The following USH2A variants were observed in gnomAD, a reference collection of about 807,000 sequenced individuals.
USH2A encodes usherin.
Under a neutral mutation model 538.9 loss-of-function variants are expected in USH2A, and 443 were observed. That is an observed-to-expected ratio of 0.82 (90% CI 0.76 to 0.89). The LOEUF is 0.89. USH2A is among the 40% of genes least tolerant of loss of function. The pLI is 0.00. For missense variants in USH2A, 6,633 were observed against 6,324.8 expected (o/e 1.05, Z -1.65); for synonymous variants, 2,413 against 2,273.5 (o/e 1.06, Z -1.75).
chr1:215,783,660 C>G (rs1223826896), intron 52 of USH2A, among the ~76,000 whole-genome samples: 1 of 152,180 alleles, frequency 6.6e-6, no homozygotes, highest in African/African-American at 2.4e-5. Flanking sequence ...TTCGGAAATA[C>G]CAATGCTACA....
intron 11 of USH2A, among the ~76,000 whole-genome samples, chr1:216,264,260 T>C (rs1448514702): frequency 1.3e-5 from 2 of 152,106 alleles, no homozygotes; most frequent in Non-Finnish European, 2.9e-5. Context: ...AAAAATTCTT[T>C]AAATTCCCAT....
chr1:216,204,326 C>T (rs766369219), intron 16 of USH2A: 3 of 152,122 alleles, frequency 2.0e-5, no homozygotes, highest in Non-Finnish European at 2.9e-5. Context: ...ATTCTCGAAG[C>T]GCTAGCTTGA....
chr1:215,741,561 C>T (rs987573552), intron 59 of USH2A, 24 bp from the exon 60 acceptor site: 4 of 1,607,326 alleles, frequency 2.5e-6, no homozygotes, highest in Non-Finnish European at 3.4e-6. Context: ...AAATTGAGGT[C>T]TTTATTATTT....
intron 26 of USH2A, among the ~76,000 whole-genome samples, chr1:216,080,490 G>C (rs1396761818): frequency 6.6e-6 from 1 of 152,008 alleles, no homozygotes; most frequent in Non-Finnish European, 1.5e-5. Context: ...GGTGTGGTAG[G>C]GGCAGGAACC....
chr1:216,327,872 A>C (rs1488927437), intron 4 of USH2A, among the ~76,000 whole-genome samples: 3 of 152,162 alleles, frequency 2.0e-5, no homozygotes, highest in African/African-American at 4.8e-5. Context: ...GACTTAAGTC[A>C]AAGTGAATAC....
At chr1:215,900,956 T>C in intron 38 of USH2A, 51 bp from the exon 39 acceptor site, 4 of 1,610,626 alleles carry the variant, frequency 2.5e-6, no homozygotes, top group Non-Finnish European at 1.7e-6. Flanking sequence ...GGAGAACATA[T>C]GCTGGATGGA....
Position 216,214,183 on chromosome 1 carries a change from T to G in USH2A, c.3157+3204A>C, listed in dbSNP as rs116117861. On this transcript the variant is annotated intron_variant, in intron 15 of 71. Transcript: ENST00000307340. The stretch of plus-strand genomic sequence containing the variant: ...AATATATTTGGTATACAAACCAGCC[T>G]TTTTATTCTCAGGATATAAAGAGAT... 2.5e-3 allele frequency among the ~76,000 whole-genome samples: 377 copies of G among 152,162 alleles called. 2 individuals are homozygous for G. The highest frequency in any genetic ancestry group is 8.6e-3 in the African/African-American group (359 of 41,554).
chr1:216,097,053 A>G, intron 22 of USH2A, 30 bp downstream of exon 22: 1 of 1,597,170 alleles, frequency 6.3e-7, no homozygotes, highest in Non-Finnish European at 8.5e-7. Context: ...AAATTCTTAA[A>G]AATATTAAAG....
intron 4 of USH2A, among the ~76,000 whole-genome samples, chr1:216,341,265 A>T (rs953462090): frequency 6.6e-6 from 1 of 152,160 alleles, no homozygotes; most frequent in Non-Finnish European, 1.5e-5. Context: ...AGAGAGTAAA[A>T]TACCTAGGAA....
At chr1:216,015,138 A>G (rs1203816603) in intron 32 of USH2A, among the ~76,000 whole-genome samples, 1 of 152,196 alleles carries the variant, frequency 6.6e-6, no homozygotes, top group Non-Finnish European at 1.5e-5. Flanking sequence ...TTAGATGTTT[A>G]AAAATTTTAG....
chr1:215,763,790 G>A (rs917809519), intron 56 of USH2A, among the ~76,000 whole-genome samples: 2 of 152,066 alleles, frequency 1.3e-5, no homozygotes, highest in African/African-American at 2.4e-5. Flanking sequence ...AGGATCCAGA[G>A]AACTTCTCTT....
intron 9 of USH2A, among the ~76,000 whole-genome samples, chr1:216,312,823 GTTGT>G (rs1443234758): frequency 6.6e-6 from 1 of 152,042 alleles, no homozygotes; most frequent in South Asian, 2.1e-4. Flanking sequence ...AAACTGTGAG[GTTGT>G]TTGTTTGTTT....
intron 61 of USH2A, among the ~76,000 whole-genome samples, chr1:215,708,716 C>CCTCAGG (rs1659253487): frequency 6.6e-6 from 1 of 152,104 alleles, no homozygotes; most frequent in South Asian, 2.1e-4. Context: ...GTGCTCCACT[C>CCTCAGG]CTCAGGTGGA....
chr1:215,754,026 C>T (rs1464919634), intron 58 of USH2A, among the ~76,000 whole-genome samples: 1 of 152,158 alleles, frequency 6.6e-6, no homozygotes, highest in Non-Finnish European at 1.5e-5. Flanking sequence ...CAGTAGCAGA[C>T]AGTAGACCTG....
intron 21 of USH2A, among the ~76,000 whole-genome samples, chr1:216,138,094 T>TCTCC (rs1241153318): frequency 7.1e-4 from 108 of 152,330 alleles, no homozygotes; most frequent in African/African-American, 2.4e-3. Flanking sequence ...ATGATATGAT[T>TCTCC]GTATTGGAAT....
At chr1:215,911,091 G>A (rs75135342) in intron 38 of USH2A, among the ~76,000 whole-genome samples, 6,135 of 151,514 alleles carry the variant, frequency 0.04, 135 homozygotes, top group Middle Eastern at 0.068. Flanking sequence ...GCATATAGGA[G>A]GTATATTTAT....
intron 47 of USH2A, among the ~76,000 whole-genome samples, chr1:215,831,210 A>G (rs945194884): frequency 6.6e-6 from 1 of 152,198 alleles, no homozygotes; most frequent in African/African-American, 2.4e-5. Flanking sequence ...ATCAAAGTAC[A>G]TGAAGGAAAG....
At position 215,787,033 on chromosome 1, in the gene USH2A, A is replaced by G. The variant is rs1348095382; in HGVS notation, c.10183-159T>C. Among the ~76,000 whole-genome samples the G allele has an allele frequency of 3.3e-5, 5 of 152,246 alleles. No individual in the cohort carries two copies. The East Asian group carries it at 9.6e-4, about 29-fold the overall frequency. ...ATAAAAAGAAATGAAGGCAGTTTGTATACTAGGAAGAACAATGACTTTGAA... is the reference window on the plus strand; with the variant it reads ...ATAAAAAGAAATGAAGGCAGTTTGTGTACTAGGAAGAACAATGACTTTGAA... On this transcript the variant is annotated intron_variant, in intron 51 of 71. Coordinates refer to ENST00000307340, the MANE Select transcript of USH2A (RefSeq NM_206933.4).
chr1:216,199,292 C>G (rs1416935237), intron 17 of USH2A, among the ~76,000 whole-genome samples: 4 of 151,968 alleles, frequency 2.6e-5, no homozygotes, highest in African/African-American at 7.3e-5. Context: ...TGTGGGTGCC[C>G]TAACTTGTGA....
Sources: allele counts gnomAD v4.1 joint callset (sites outside exome capture counted in the v4.1 genomes callset), GRCh38; gene constraint gnomAD v4.1.1; transcripts MANE v1.5; gene names NCBI Gene and HGNC (gene_info 2026-07-23, HGNC 2026-07-21).